FEZ1: variants seen among roughly 807,000 people sequenced by gnomAD.
The protein encoded by FEZ1 is fasciculation and elongation protein zeta-1.
FEZ1 carries 20 observed loss-of-function variants against 49.3 expected under a neutral mutation model. The observed-to-expected ratio is 0.41, with a 90% CI of 0.29 to 0.59. The LOEUF is 0.59. FEZ1 is among the 20% of genes least tolerant of loss of function. The pLI is 0.36. For synonymous variants in FEZ1, 170 were observed against 180.9 expected (o/e 0.94, Z 0.48); for missense variants, 413 against 476.0 (o/e 0.87, Z 1.23).
chr11:125,482,025 A>G (rs545008495), intron 2 of FEZ1, among the ~76,000 whole-genome samples: 200 of 151,152 alleles, frequency 1.3e-3, no homozygotes, highest in Non-Finnish European at 2.3e-3. Flanking sequence ...GAGAGAGAGA[A>G]AGAGAGAGAG....
chr11:125,495,186 G>T lies in FEZ1; in HGVS notation c.-46+935C>A, dbSNP rs1957446075. On this transcript the variant is annotated intron_variant, in intron 1 of 9. Transcript: ENST00000278919. This position sits in a 1 kb window ranked among gnomAD's most constrained non-coding sequence, Gnocchi z 4.2. ...CAGATCCCCCTCCTCCCCCCAGTCC[G>T]GTGGGGTAAAGAAAGCCTCCTCCAG... The T allele has an allele frequency of 2.8e-6, 1 of 356,450 alleles. No individual in the cohort carries two copies. Among genetic ancestry groups the T allele is most frequent in the Non-Finnish European group, 5.8e-6 (1 of 171,178 alleles). 22.1% of individuals were successfully genotyped at this position (356,450 alleles called of 1,614,324 possible). A position where few individuals can be genotyped will look rare whatever the true frequency, so the allele number is the denominator to read the frequency against.
In FEZ1 at chr11:125,489,597, C is replaced by T. The variant is rs751332078; in HGVS notation, c.181G>A (p.Asp61Asn). The T allele has an allele frequency of 6.2e-7, 1 of 1,614,158 alleles. No homozygotes were observed. Among genetic ancestry groups the T allele is most frequent in the South Asian group, 1.1e-5 (1 of 91,070 alleles). Residue 61 changes from aspartate to asparagine, a missense_variant, in exon 2 of 10, where the codon GAC becomes AAC. Physicochemically the swap from Asp to Asn is conservative, Grantham distance 23 (BLOSUM62 1). Coordinates refer to ENST00000278919, the MANE Select transcript of FEZ1 (RefSeq NM_005103.5). This position sits in a 1 kb window ranked among gnomAD's most constrained non-coding sequence, Gnocchi z 4.2. ...SEIISFKSME[D>N]LVNEFDEKLN... is the part of the protein sequence containing the mutation. Reference sequence around the variant, plus strand: ...TTCTCATCAAATTCATTTACGAGGTCCTCCATGGACTTGAAGCTGATTATT... The same window carrying T: ...TTCTCATCAAATTCATTTACGAGGTTCTCCATGGACTTGAAGCTGATTATT...
At chr11:125,478,291 A>T (rs1957249649) in intron 3 of FEZ1, among the ~76,000 whole-genome samples, 1 of 152,052 alleles carries the variant, frequency 6.6e-6, no homozygotes, top group Non-Finnish European at 1.5e-5. Context: ...AAAATACAAA[A>T]ATTAGCTGAG....
intron 3 of FEZ1, among the ~76,000 whole-genome samples, chr11:125,479,070 C>T (rs1461785817): frequency 6.6e-6 from 1 of 152,186 alleles, no homozygotes; most frequent in African/African-American, 2.4e-5. Context: ...GAGTTCAAAA[C>T]AGGACCTGAG....
At chr11:125,494,933 T>G (rs1223135484) in intron 1 of FEZ1, among the ~76,000 whole-genome samples, 2 of 152,030 alleles carry the variant, frequency 1.3e-5, no homozygotes, top group Admixed American at 1.3e-4. Context: ...CATCACTTGG[T>G]CCATAGATCA....
intron 3 of FEZ1, among the ~76,000 whole-genome samples, chr11:125,480,210 T>C (rs1406476717): frequency 4.6e-5 from 7 of 152,038 alleles, no homozygotes; most frequent in Non-Finnish European, 8.8e-5. Context: ...ATCCCATCTC[T>C]ACAAAAAATA....
rs74520437 is a variant in FEZ1, at chr11:125,495,180, C to A, written c.-46+941G>T. On this transcript the variant is annotated intron_variant, in intron 1 of 9. Transcript: ENST00000278919. This position sits in a 1 kb window ranked among gnomAD's most constrained non-coding sequence, Gnocchi z 4.2. ...CCATCTCAGATCCCCCTCCTCCCCC[C>A]AGTCCGGTGGGGTAAAGAAAGCCTC... The A allele has an allele frequency of 6.6e-3, 2,354 of 357,864 alleles. 98 individuals carry two copies. In the Admixed American group the frequency reaches 0.078, roughly 12 times the overall value. 22.2% of individuals were successfully genotyped at this position (357,864 alleles called of 1,614,324 possible).
At chr11:125,463,366 G>A in intron 4 of FEZ1, 118 bp downstream of exon 4, 3 of 666,528 alleles carry the variant, frequency 4.5e-6, no homozygotes, top group East Asian at 2.6e-5. Flanking sequence ...ATGAGCACAG[G>A]CACCACATGA....
Position 125,461,752 on chromosome 11 carries a change from G to A in FEZ1, c.499-1086C>T, listed in dbSNP as rs117415706. 3.2e-4 allele frequency among the ~76,000 whole-genome samples: 48 copies of A among 152,320 alleles called. 1 individual carries two copies. The East Asian group carries it at 5.6e-3, about 18-fold the overall frequency. On this transcript the variant is annotated intron_variant, in intron 4 of 9. Coordinates refer to ENST00000278919, the MANE Select transcript of FEZ1 (RefSeq NM_005103.5). ...TCTCCATGGATGGACTAAAGTCCCC[G>A]AGGCCAGCATTGTACTCTTTGAGGT...
chr11:125,455,016 CAA>C (rs542942487), intron 6 of FEZ1, among the ~76,000 whole-genome samples: 17 of 54,790 alleles, frequency 3.1e-4, no homozygotes, highest in Admixed American at 7.8e-4. Flanking sequence ...TCCATCTCAC[CAA>C]AAAAAAAAAA....
chr11:125,474,236 C>T (rs1348486114), intron 3 of FEZ1, among the ~76,000 whole-genome samples: 3 of 137,154 alleles, frequency 2.2e-5, no homozygotes, highest in African/African-American at 8.7e-5. Context: ...GACAGGGTTT[C>T]ACCGTGTTAG....
intron 3 of FEZ1, among the ~76,000 whole-genome samples, chr11:125,464,954 G>A (rs1157128207): frequency 6.6e-6 from 1 of 152,198 alleles, no homozygotes; most frequent in African/African-American, 2.4e-5. Flanking sequence ...CTGGAGCTAC[G>A]CTTTGTTCAC....
intron 8 of FEZ1, among the ~76,000 whole-genome samples, chr11:125,451,684 G>GC (rs1565530965): frequency 6.6e-6 from 1 of 152,162 alleles, no homozygotes. Context: ...AACACCATGT[G>GC]CCCCCCAGCC....
At chr11:125,494,619 A>C (rs1325563788) in intron 1 of FEZ1, among the ~76,000 whole-genome samples, 1 of 152,184 alleles carries the variant, frequency 6.6e-6, no homozygotes, top group Non-Finnish European at 1.5e-5. Context: ...TTTACCACAG[A>C]ACAGAGCGCA....
chr11:125,463,319 T>A (rs1304212233), intron 4 of FEZ1, 165 bp downstream of exon 4: 19 of 522,230 alleles, frequency 3.6e-5, no homozygotes, highest in Non-Finnish European at 6.1e-5. Context: ...AGTATATATA[T>A]ATAAAGAAAA....
chr11:125,480,829 G>A (rs1957272323), intron 3 of FEZ1, among the ~76,000 whole-genome samples: 1 of 152,110 alleles, frequency 6.6e-6, no homozygotes, highest in Non-Finnish European at 1.5e-5. Flanking sequence ...CACGGGGTCA[G>A]GAGATCAAGA....
intron 8 of FEZ1, among the ~76,000 whole-genome samples, chr11:125,451,213 A>C (rs967889559): frequency 2.0e-5 from 3 of 152,250 alleles, no homozygotes; most frequent in Admixed American, 6.5e-5. Flanking sequence ...CTTAAAAAAA[A>C]AGAAACTTAG....
At chr11:125,458,694 T>G (rs994155528) in intron 5 of FEZ1, among the ~76,000 whole-genome samples, 4 of 152,244 alleles carry the variant, frequency 2.6e-5, no homozygotes, top group African/African-American at 9.6e-5. Context: ...CATTAAATTA[T>G]TGTCATGGCT....
rs1956895454 is a variant in FEZ1, at chr11:125,446,049, T to C, written c.*46A>G. The C allele has an allele frequency of 1.3e-6, 2 of 1,593,252 alleles. No individual in the cohort carries two copies. The highest frequency in any genetic ancestry group is 1.7e-6 in the Non-Finnish European group (2 of 1,161,104). On this transcript the variant is annotated 3_prime_UTR_variant, in exon 10 of 10. Coordinates refer to ENST00000278919, the MANE Select transcript of FEZ1 (RefSeq NM_005103.5). Reference sequence around the variant, plus strand: ...CATGCAGTCCCTGTGATGGAATGACTCTTGCTCAGTGACCTCCTGCAGCGA... The same window carrying C: ...CATGCAGTCCCTGTGATGGAATGACCCTTGCTCAGTGACCTCCTGCAGCGA...
Sources: allele counts gnomAD v4.1 joint callset (sites outside exome capture counted in the v4.1 genomes callset), GRCh38; gene constraint gnomAD v4.1.1; non-coding constraint Gnocchi (gnomAD v3.1); transcripts MANE v1.5; gene names NCBI Gene and HGNC (gene_info 2026-07-23, HGNC 2026-07-21).